Variants in G3BP1 observed in about 807,000 individuals in gnomAD.
G3BP1 encodes the protein G3BP stress granule assembly factor 1.
G3BP1 carries 35 observed loss-of-function variants against 58.6 expected under a neutral mutation model. The observed-to-expected ratio is 0.60, with a 90% CI of 0.46 to 0.79. G3BP1 has a LOEUF of 0.79. Among genes scored for constraint, G3BP1 ranks in the 30% least tolerant of loss-of-function variants. The probability of loss-of-function intolerance (pLI) is 0.00; values close to 1 mark genes in which losing one functional copy is unlikely to be tolerated. For synonymous variants in G3BP1, 191 were observed against 195.4 expected, an observed-to-expected ratio of 0.98 and a Z score of 0.19; for missense variants, 523 against 580.8, an observed-to-expected ratio of 0.90 and a Z score of 1.02.
chr5:151,800,399 T>C (rs1762830501), intron 10 of G3BP1, 53 bp downstream of exon 10: 3 of 1,343,112 alleles, frequency 2.2e-6, no homozygotes. Context: ...TCTAGCACTG[T>C]CCAGTAGCAA....
chr5:151,796,135 G>C (rs535043191), intron 6 of G3BP1, among the ~76,000 whole-genome samples: 3 of 152,280 alleles, frequency 2.0e-5, no homozygotes, highest in African/African-American at 7.2e-5. Context: ...CCTGAAGGGT[G>C]TTTTCAAGTG....
chr5:151,778,247 G>A (rs1483856143), intron 1 of G3BP1, among the ~76,000 whole-genome samples: 4 of 152,162 alleles, frequency 2.6e-5, no homozygotes, highest in Non-Finnish European at 5.9e-5. Context: ...CTGCCAGTAT[G>A]TTGGCTAACA....
At chr5:151,794,378 A>G (rs773820367) in intron 5 of G3BP1, 129 bp downstream of exon 5, 1 of 616,944 alleles carries the variant, frequency 1.6e-6, no homozygotes, top group Non-Finnish European at 2.9e-6. Context: ...TAATTATGGT[A>G]TATGAAGAGT....
In G3BP1 at chr5:151,778,576, G is replaced by A. The variant is rs535224467; in HGVS notation, c.-50+6540G>A. On this transcript the variant is annotated intron_variant, in intron 1 of 11. Coordinates refer to ENST00000356245, the MANE Select transcript of G3BP1 (RefSeq NM_005754.3). ...CCTGTCTCAGCCTCCTGAGTAGCTG[G>A]GATTACAGGTATCCACCACCACACC... Among the ~76,000 whole-genome samples the A allele has an allele frequency of 5.3e-5, 8 of 151,918 alleles. No homozygotes were observed. In the South Asian group the frequency reaches 1.5e-3, roughly 28 times the overall value.
chr5:151,802,704 C>T (rs565614054), intron 11 of G3BP1, among the ~76,000 whole-genome samples: 71 of 152,288 alleles, frequency 4.7e-4, no homozygotes, highest in African/African-American at 1.6e-3. Context: ...GAGGCCGAGG[C>T]GGGCGGATCA....
chr5:151,776,376 A>G (rs186303370), intron 1 of G3BP1, among the ~76,000 whole-genome samples: 18 of 152,250 alleles, frequency 1.2e-4, no homozygotes, highest in Admixed American at 1.2e-3. Context: ...TCCAGCTCAC[A>G]CTCAAGGAGA....
intron 4 of G3BP1, chr5:151,791,834 T>C: frequency 3.3e-6 from 1 of 302,638 alleles, no homozygotes; most frequent in South Asian, 2.7e-5. Context: ...TTTTAGTATT[T>C]TTAGTAGTGA....
chr5:151,793,831 C>CAA lies in G3BP1; in HGVS notation c.352-309_352-308dup, dbSNP rs751382380. Among the ~76,000 whole-genome samples, 54 of 97,794 alleles carry CAA rather than the reference C, an allele frequency of 5.5e-4. 3 individuals carry two copies. Among genetic ancestry groups the CAA allele is most frequent in the South Asian group, 6.3e-4 (2 of 3,194 alleles). The allele number at this position is 97,794 out of a possible 152,430, so 64.2% of individuals were successfully genotyped here. A position where few individuals can be genotyped will look rare whatever the true frequency, so the allele number is the denominator to read the frequency against. ...AATATAACAAGATCCCGTCTCTACTCAAAAAAAAAAAAAAAAAAAAGAAAA... is the reference window on the plus strand; with the variant it reads ...AATATAACAAGATCCCGTCTCTACTCAAAAAAAAAAAAAAAAAAAAAAGAAAA... On this transcript the variant is annotated intron_variant, in intron 4 of 11. Coordinates refer to ENST00000356245, the MANE Select transcript of G3BP1 (RefSeq NM_005754.3).
chr5:151,802,167 A>G (rs571893923), intron 11 of G3BP1, among the ~76,000 whole-genome samples: 5 of 152,276 alleles, frequency 3.3e-5, no homozygotes, highest in South Asian at 4.1e-4. Context: ...TGAGTATGCA[A>G]ATATACATTA....
chr5:151,795,013 C>G (rs1184793155), intron 5 of G3BP1, among the ~76,000 whole-genome samples: 3 of 152,226 alleles, frequency 2.0e-5, no homozygotes, highest in Non-Finnish European at 4.4e-5. Context: ...CGCGGTGGCT[C>G]ACGCCTGTAA....
At chr5:151,787,303 T>C (rs1762569560) in intron 2 of G3BP1, 1 of 152,246 alleles carries the variant, frequency 6.6e-6, no homozygotes, top group Non-Finnish European at 1.5e-5. Flanking sequence ...ATGTAAAAAA[T>C]AAGAATGTAT....
At chr5:151,774,622 T>A (rs934227897) in intron 1 of G3BP1, among the ~76,000 whole-genome samples, 6 of 151,886 alleles carry the variant, frequency 4.0e-5, no homozygotes. Flanking sequence ...ATAGGCATTG[T>A]ATGTTTGTTT....
intron 1 of G3BP1, among the ~76,000 whole-genome samples, chr5:151,774,063 G>A (rs994363625): frequency 6.6e-6 from 1 of 152,188 alleles, no homozygotes; most frequent in Admixed American, 6.5e-5. Flanking sequence ...CTGATTACTT[G>A]TGCATTTATC....
rs968206481 is a variant in G3BP1 at position 151,812,106 on chromosome 5, A to T, written c.*8015A>T. 7.9e-5 allele frequency: 12 copies of T among 152,184 alleles called. 1 individual carries two copies. Among genetic ancestry groups the T allele is most frequent in the Admixed American group, 5.2e-4 (8 of 15,272 alleles). The allele number at this position is 152,184 out of a possible 1,614,324, so 9.4% of individuals were successfully genotyped here. ...TAGCACTATGTTGCTGAGCTAATTC[A>T]TGCTGCCCAGCTAAGCACATTTTCT... On this transcript the variant is annotated 3_prime_UTR_variant, in exon 12 of 12. Transcript: ENST00000356245.
At chr5:151,791,950 A>C in intron 4 of G3BP1, 1 of 378,298 alleles carries the variant, frequency 2.6e-6, no homozygotes, top group Non-Finnish European at 5.2e-6. Context: ...CACCATGCCC[A>C]GCCTTATTTT....
In G3BP1 at chr5:151,800,177, C is replaced by A. The variant is rs1239311586; in HGVS notation, c.956-41C>A. The A allele has an allele frequency of 3.7e-6, 6 of 1,601,826 alleles. 1 individual carries two copies. The Middle Eastern group carries it at 8.6e-4, about 230-fold the overall frequency. ...GTGAGCAGTCATTGAAAGATGTCTT[C>A]TTTCTCTTGTCTTTCATTGATGTTT... is the stretch of plus-strand genomic sequence containing the variant. On this transcript the variant is annotated intron_variant, in intron 9 of 11. Transcript: ENST00000356245.
At chr5:151,802,890 G>A (rs1439092379) in intron 11 of G3BP1, among the ~76,000 whole-genome samples, 3 of 152,200 alleles carry the variant, frequency 2.0e-5, no homozygotes, top group Middle Eastern at 3.4e-3. Context: ...CCGAGATCGC[G>A]CCACTGCACT....
chr5:151,790,455 A>G (rs377458077), intron 3 of G3BP1, 51 bp downstream of exon 3: 1 of 966,764 alleles, frequency 1.0e-6, no homozygotes, highest in Non-Finnish European at 1.6e-6. Flanking sequence ...AAAATAACTC[A>G]TAAAATTGAA....
At position 151,805,548 on chromosome 5, in the gene G3BP1, T is replaced by A. The variant is rs1762928251; in HGVS notation, c.*1457T>A. 1 of 152,216 alleles carries A rather than the reference T, an allele frequency of 6.6e-6. No homozygotes were observed. Among genetic ancestry groups the A allele is most frequent in the African/African-American group, 2.4e-5 (1 of 41,462 alleles). 9.4% of individuals were successfully genotyped at this position (152,216 alleles called of 1,614,324 possible). ...AGTATTCATCTTTAGGACTGTCGTTTGAGGATAGCATAGGAATATTTGGTT... is the reference window on the plus strand; with the variant it reads ...AGTATTCATCTTTAGGACTGTCGTTAGAGGATAGCATAGGAATATTTGGTT... On this transcript the variant is annotated 3_prime_UTR_variant, in exon 12 of 12. Transcript: ENST00000356245.
Sources: gnomAD v4.1 joint callset for allele counts (sites outside exome capture counted in the v4.1 genomes callset) on GRCh38, gnomAD v4.1.1 for gene constraint, MANE v1.5 for transcripts, NCBI Gene and HGNC (gene_info 2026-07-23, HGNC 2026-07-21) for gene names.